Variants in SH3GL3 observed in about 807,000 individuals in gnomAD.
The protein encoded by SH3GL3 is SH3 domain containing GRB2 like 3, endophilin A3.
SH3GL3 carries 33 observed loss-of-function variants against 47.7 expected under a neutral mutation model. The observed-to-expected ratio is 0.69, with a 90% CI of 0.52 to 0.92. SH3GL3 has a LOEUF of 0.92. SH3GL3 is among the 40% of genes least tolerant of loss of function. The pLI is 0.00. For synonymous variants in SH3GL3, 155 were observed against 148.8 expected (o/e 1.04, Z -0.30); for missense variants, 363 against 417.8 (o/e 0.87, Z 1.14).
intron 1 of SH3GL3, among the ~76,000 whole-genome samples, chr15:83,556,697 A>G (rs893831910): frequency 6.6e-6 from 1 of 152,250 alleles, no homozygotes; most frequent in Non-Finnish European, 1.5e-5. Flanking sequence ...CTTTTGCTAT[A>G]TAACACACCA....
chr15:83,468,200 C>T (rs28497897), intron 1 of SH3GL3, among the ~76,000 whole-genome samples: 1,685 of 152,198 alleles, frequency 0.011, 28 homozygotes, highest in African/African-American at 0.038. Flanking sequence ...TGTTTTTGTA[C>T]GTTTATCTTG....
intron 8 of SH3GL3, among the ~76,000 whole-genome samples, chr15:83,599,125 A>G (rs8035303): frequency 0.21 from 32,235 of 151,820 alleles, 3,954 homozygotes; most frequent in African/African-American, 0.34. Context: ...TGCGCTTTAT[A>G]TTTCTGTAGT....
At position 83,508,221 on chromosome 15, in the gene SH3GL3, T is replaced by C. The variant is rs7182956; in HGVS notation, c.46-51032T>C. ...TCCCAAAGTGCTGGGATTACAGGCT[T>C]GAGCCACCGTGCCCAGCCCAGGCAC... On this transcript the variant is annotated intron_variant, in intron 1 of 8. Coordinates refer to ENST00000427482, the MANE Select transcript of SH3GL3 (RefSeq NM_003027.5). 7.0e-3 allele frequency among the ~76,000 whole-genome samples: 1,065 copies of C among 151,960 alleles called. 12 individuals are homozygous for C. Among genetic ancestry groups the C allele is most frequent in the African/African-American group, 0.024 (1,002 of 41,440 alleles).
intron 1 of SH3GL3, among the ~76,000 whole-genome samples, chr15:83,488,740 A>G (rs1184283552): frequency 6.6e-6 from 1 of 152,224 alleles, no homozygotes; most frequent in Non-Finnish European, 1.5e-5. Flanking sequence ...CTCTGCAGCC[A>G]CTTTGGGTTT....
In SH3GL3 at chr15:83,568,013, G is replaced by A. The variant is rs188293083; in HGVS notation, c.188-516G>A. On this transcript the variant is annotated intron_variant, in intron 3 of 8. Transcript: ENST00000427482. Reference sequence around the variant, plus strand: ...TTTTTTTTTTTTGAGACAAAGTCTCGCTCTTGTCCCCCAGGCTAGAGTGCA... The same window carrying A: ...TTTTTTTTTTTTGAGACAAAGTCTCACTCTTGTCCCCCAGGCTAGAGTGCA... 7.7e-3 allele frequency among the ~76,000 whole-genome samples: 1,027 copies of A among 133,560 alleles called. 11 individuals are homozygous for A. Among genetic ancestry groups the A allele is most frequent in the Middle Eastern group, 0.038 (9 of 234 alleles). 87.6% of individuals were successfully genotyped at this position (133,560 alleles called of 152,430 possible). A position where few individuals can be genotyped will look rare whatever the true frequency, so the allele number is the denominator to read the frequency against.
intron 1 of SH3GL3, among the ~76,000 whole-genome samples, chr15:83,519,713 C>T (rs2043128328): frequency 6.6e-6 from 1 of 152,142 alleles, no homozygotes; most frequent in South Asian, 2.1e-4. Context: ...TTACTGGTAT[C>T]TGTTGGTCAG....
At chr15:83,579,657 C>G (rs567962446) in intron 6 of SH3GL3, among the ~76,000 whole-genome samples, 1 of 152,202 alleles carries the variant, frequency 6.6e-6, no homozygotes, top group East Asian at 1.9e-4. Flanking sequence ...TCACTGACAC[C>G]CCATGATAAA....
chr15:83,521,687 A>G (rs2043211031), intron 1 of SH3GL3, among the ~76,000 whole-genome samples: 1 of 152,186 alleles, frequency 6.6e-6, no homozygotes, highest in Non-Finnish European at 1.5e-5. Flanking sequence ...CAATAGGCAA[A>G]TAACCAGCAC....
chr15:83,521,716 C>T (rs539446914), intron 1 of SH3GL3, among the ~76,000 whole-genome samples: 1 of 152,180 alleles, frequency 6.6e-6, no homozygotes, highest in South Asian at 2.1e-4. Context: ...AGCAGCAAAC[C>T]GTTCAGATTA....
intron 6 of SH3GL3, among the ~76,000 whole-genome samples, chr15:83,585,970 T>G (rs1438720671): frequency 6.6e-6 from 1 of 152,208 alleles, no homozygotes; most frequent in Non-Finnish European, 1.5e-5. Context: ...AGGGTGAGAT[T>G]GCATAAATGA....
At chr15:83,628,849 A>T in the SH3GL3 span, among the ~76,000 whole-genome samples, 37 of 152,310 alleles carry the variant, frequency 2.4e-4, no homozygotes, top group Admixed American at 2.0e-3. Flanking sequence ...GTAAAAAAAA[A>T]CAACCAAAAA....
chr15:83,583,170 T>C (rs531132028), intron 6 of SH3GL3, among the ~76,000 whole-genome samples: 1 of 152,346 alleles, frequency 6.6e-6, no homozygotes, highest in African/African-American at 2.4e-5. Flanking sequence ...TCTTTATTCC[T>C]GCATGCCAAA....
intron 1 of SH3GL3, among the ~76,000 whole-genome samples, chr15:83,552,655 T>C (rs1391761224): frequency 6.6e-6 from 1 of 152,196 alleles, no homozygotes; most frequent in African/African-American, 2.4e-5. Context: ...GCAAGGAATA[T>C]ACATTTTTTA....
chr15:83,599,284 T>G (rs1308515533), intron 8 of SH3GL3, among the ~76,000 whole-genome samples: 1 of 152,184 alleles, frequency 6.6e-6, no homozygotes, highest in Non-Finnish European at 1.5e-5. Flanking sequence ...TTGTGAGATT[T>G]CAGTGCACCC....
At chr15:83,617,254 G>A (rs2060848045) in intron 8 of SH3GL3, among the ~76,000 whole-genome samples, 1 of 152,118 alleles carries the variant, frequency 6.6e-6, no homozygotes. Context: ...TTCTTGTCCT[G>A]GTTTCTCTCC....
intron 1 of SH3GL3, among the ~76,000 whole-genome samples, chr15:83,522,964 C>A (rs1027070591): frequency 2.1e-4 from 32 of 152,180 alleles, no homozygotes; most frequent in African/African-American, 7.5e-4. Context: ...ATCATTAACA[C>A]CCTTTCATTT....
chr15:83,552,803 A>C (rs2044730644), intron 1 of SH3GL3, among the ~76,000 whole-genome samples: 1 of 152,102 alleles, frequency 6.6e-6, no homozygotes, highest in Non-Finnish European at 1.5e-5. Flanking sequence ...GTTGTGTTAA[A>C]TCTCCTGCTG....
At chr15:83,586,276 G>GC (rs35677589) in intron 6 of SH3GL3, among the ~76,000 whole-genome samples, 1 of 152,160 alleles carries the variant, frequency 6.6e-6, no homozygotes, top group Non-Finnish European at 1.5e-5. Context: ...AAATTATACA[G>GC]CCCCATATCA....
intron 2 of SH3GL3, among the ~76,000 whole-genome samples, chr15:83,563,412 T>C (rs1420011119): frequency 3.9e-5 from 6 of 152,230 alleles, no homozygotes; most frequent in Non-Finnish European, 8.8e-5. Context: ...GTATAATAGC[T>C]GGTTTATTAA....
Sources: gnomAD v4.1 joint callset for allele counts (sites outside exome capture counted in the v4.1 genomes callset) on GRCh38, gnomAD v4.1.1 for gene constraint, MANE v1.5 for transcripts, NCBI Gene and HGNC (gene_info 2026-07-23, HGNC 2026-07-21) for gene names.